The following CNOT1 variants were observed in gnomAD, a reference collection of about 807,000 sequenced individuals.
CNOT1 encodes CCR4-associated factor 1.
In CNOT1, 15 loss-of-function variants were observed where a neutral mutation model predicts 273.8. The observed-to-expected ratio is 0.05, with a 90% confidence interval of 0.04 to 0.08. The LOEUF (loss-of-function observed/expected upper bound fraction) is 0.08. Ranked by LOEUF, CNOT1 falls within the 10% of genes least tolerant of loss-of-function variation. The probability of loss-of-function intolerance (pLI) is 1.00; values close to 1 mark genes in which losing one functional copy is unlikely to be tolerated. For missense variants in CNOT1, 1,644 were observed against 2,912.2 expected (o/e 0.56, Z 10.02); for synonymous variants, 1,022 against 1,005.5 (o/e 1.02, Z -0.31).
At chr16:58,534,533 G>GTAAAAAATAAT (rs2039868589) in intron 39 of CNOT1, 138 bp from the exon 40 acceptor site, 21 of 1,039,910 alleles carry the variant, frequency 2.0e-5, no homozygotes, top group Non-Finnish European at 2.8e-5. Flanking sequence ...TGTAATAAAT[G>GTAAAAAATAAT]TATTATCAGA....
intron 1 of CNOT1, among the ~76,000 whole-genome samples, chr16:58,600,865 T>C (rs191201127): frequency 1.3e-5 from 2 of 152,258 alleles, no homozygotes; most frequent in Admixed American, 1.3e-4. Flanking sequence ...TTTGGGAGGA[T>C]GAGGTGGGAG....
chr16:58,543,550 T>C, intron 31 of CNOT1, 57 bp downstream of exon 31: 1 of 1,611,904 alleles, frequency 6.2e-7, no homozygotes, highest in Non-Finnish European at 8.5e-7. Flanking sequence ...AGAAAAAAAT[T>C]ATTACAGACA....
At chr16:58,556,004 C>G (rs2040617375) in intron 19 of CNOT1, 96 bp from the exon 20 acceptor site, 1 of 1,530,108 alleles carries the variant, frequency 6.5e-7, no homozygotes, top group East Asian at 2.3e-5. Flanking sequence ...GCTCTAACTT[C>G]AAGGGAAATA....
In CNOT1 at chr16:58,549,716, T is replaced by C. The variant is rs1354269172; in HGVS notation, c.3522+3A>G. 9 of 1,591,782 alleles carry C rather than the reference T, an allele frequency of 5.7e-6. No individual in the cohort carries two copies. The highest frequency in any genetic ancestry group is 1.2e-5 in the South Asian group (1 of 86,172). Reference sequence around the variant, plus strand: ...TAAAGGAAATATAAGAACCAACTCTTACTTTAATGTTTCTGTAGGTCTCAT... The same window carrying C: ...TAAAGGAAATATAAGAACCAACTCTCACTTTAATGTTTCTGTAGGTCTCAT... On this transcript the variant is annotated splice_donor_region_variant and intron_variant, in intron 25 of 48. Transcript: ENST00000317147.
intron 18 of CNOT1, among the ~76,000 whole-genome samples, chr16:58,557,594 G>A (rs1389582834): frequency 6.6e-6 from 1 of 151,730 alleles, no homozygotes; most frequent in Non-Finnish European, 1.5e-5. Context: ...AAGGTACAAG[G>A]GGCTAAGAAG....
intron 11 of CNOT1, 140 bp downstream of exon 11, chr16:58,581,205 T>C (rs1845117017): frequency 2.1e-6 from 2 of 961,758 alleles, no homozygotes; most frequent in African/African-American, 3.3e-5. Flanking sequence ...CTTCAATACT[T>C]ATGGACAGTC....
At chr16:58,567,234 G>A (rs1379633214) in intron 16 of CNOT1, among the ~76,000 whole-genome samples, 2 of 152,168 alleles carry the variant, frequency 1.3e-5, no homozygotes. Context: ...GCTTTAGGAT[G>A]CAGAGAGGAC....
At chr16:58,559,226 T>C (rs988145893) in intron 17 of CNOT1, among the ~76,000 whole-genome samples, 5 of 152,166 alleles carry the variant, frequency 3.3e-5, no homozygotes, top group African/African-American at 1.2e-4. Context: ...TTGGAGCATT[T>C]TGGATTTACA....
rs1309414469 is a variant in CNOT1 at position 58,538,280 on chromosome 16, A to G, written c.5136-14T>C. ...TCAATTAGGCACCTAGAAAAAGTTC[A>G]ATATCTTTACTCATATAGGCTTAAC... is the stretch of plus-strand genomic sequence containing the variant. On this transcript the variant is annotated splice_polypyrimidine_tract_variant and intron_variant, in intron 36 of 48. Transcript: ENST00000317147. 5 of 1,032,238 alleles carry G rather than the reference A, an allele frequency of 4.8e-6. No individual in the cohort carries two copies. The East Asian group carries it at 7.1e-5, about 15-fold the overall frequency. The allele number at this position is 1,032,238 out of a possible 1,614,324, so 63.9% of individuals were successfully genotyped here. A position where few individuals can be genotyped will look rare whatever the true frequency, so the allele number is the denominator to read the frequency against.
chr16:58,582,723 A>G (rs971292837), intron 10 of CNOT1, 70 bp downstream of exon 10: 26 of 925,782 alleles, frequency 2.8e-5, no homozygotes, highest in Non-Finnish European at 3.5e-6. Context: ...GAAAATTCTT[A>G]AAAATTTGCT....
chr16:58,530,602 T>G (rs1237716889), intron 42 of CNOT1: 1 of 252,510 alleles, frequency 4.0e-6, no homozygotes, highest in African/African-American at 2.2e-5. Flanking sequence ...GGCCAACATA[T>G]TGAAATCCTG....
At chr16:58,592,299 C>G (rs2042089884) in intron 2 of CNOT1, among the ~76,000 whole-genome samples, 2 of 151,946 alleles carry the variant, frequency 1.3e-5, no homozygotes, top group South Asian at 4.1e-4. Context: ...ATTCCATTCA[C>G]AGCCATAAAA....
intron 16 of CNOT1, among the ~76,000 whole-genome samples, chr16:58,561,633 A>G (rs1274790275): frequency 6.6e-6 from 1 of 152,136 alleles, no homozygotes; most frequent in Non-Finnish European, 1.5e-5. Flanking sequence ...AAATCTGAGA[A>G]TCTGAATACC....
chr16:58,596,760 C>T (rs963371543), intron 2 of CNOT1, among the ~76,000 whole-genome samples: 3 of 151,616 alleles, frequency 2.0e-5, no homozygotes, highest in Non-Finnish European at 4.4e-5. Flanking sequence ...TGGTGGCGAG[C>T]GACTGTAGTC....
At position 58,600,019 on chromosome 16, in the gene CNOT1, C is replaced by T. The variant is rs145348339; in HGVS notation, c.-174-508G>A. Among the ~76,000 whole-genome samples the T allele has an allele frequency of 3.6e-3, 540 of 151,440 alleles. 1 individual carries two copies. Among genetic ancestry groups the T allele is most frequent in the African/African-American group, 0.012 (509 of 41,188 alleles). ...CAGAGGGTGCAGTCAGCTGAGATCG[C>T]GCCATTGCACTCCAGCTCTGGGCAA... On this transcript the variant is annotated intron_variant, in intron 1 of 48. Transcript: ENST00000317147.
In CNOT1 at chr16:58,568,114, T is replaced by C. The variant is rs992329139; in HGVS notation, c.1979+6495A>G. ...AAGGCCGGGCACGGTGGCTCACGCC[T>C]GTAATCTCAGTACTTTGGGAGGCGG... is the stretch of plus-strand genomic sequence containing the variant. On this transcript the variant is annotated intron_variant, in intron 16 of 48. Transcript: ENST00000317147. Among the ~76,000 whole-genome samples, 15 of 152,332 alleles carry C rather than the reference T, an allele frequency of 9.8e-5. 1 individual carries two copies. Among genetic ancestry groups the C allele is most frequent in the Middle Eastern group, 3.4e-3 (1 of 294 alleles).
chr16:58,532,452 C>T (rs1158198471), intron 40 of CNOT1, 57 bp from the exon 41 acceptor site: 13 of 1,574,048 alleles, frequency 8.3e-6, no homozygotes, highest in Admixed American at 3.6e-5. Flanking sequence ...CTCACCACTT[C>T]GATGTCATGC....
rs942393581 is a variant in CNOT1 at position 58,605,435 on chromosome 16, G to A, written c.-174-5924C>T. Among the ~76,000 whole-genome samples, 16 of 151,860 alleles carry A rather than the reference G, an allele frequency of 1.1e-4. 1 individual carries two copies. Among genetic ancestry groups the A allele is most frequent in the South Asian group, 1.0e-3 (5 of 4,802 alleles). ...GGAGAATCACTTGAACCCAGGAGGCGGAGGCTGAAGTGAGCTGAGATTATG... is the reference window on the plus strand; with the variant it reads ...GGAGAATCACTTGAACCCAGGAGGCAGAGGCTGAAGTGAGCTGAGATTATG... On this transcript the variant is annotated intron_variant, in intron 1 of 48. Coordinates refer to ENST00000317147, the MANE Select transcript of CNOT1 (RefSeq NM_016284.5).
At chr16:58,579,012 T>C (rs1196171891) in intron 12 of CNOT1, 73 bp from the exon 13 acceptor site, 3 of 1,544,316 alleles carry the variant, frequency 1.9e-6, no homozygotes, top group African/African-American at 1.4e-5. Context: ...AAATAAGTGA[T>C]ACCAGCTTGT....
Sources: gnomAD v4.1 joint callset for allele counts (sites outside exome capture counted in the v4.1 genomes callset) on GRCh38, gnomAD v4.1.1 for gene constraint, MANE v1.5 for transcripts, NCBI Gene and HGNC (gene_info 2026-07-23, HGNC 2026-07-21) for gene names.